ATG10: variants seen among roughly 807,000 people sequenced by gnomAD.
ATG10 encodes the protein ubiquitin-like-conjugating enzyme ATG10.
Under a neutral mutation model 32.1 loss-of-function variants are expected in ATG10, and 30 were observed. The ratio of observed to expected loss-of-function variants is 0.94; its 90% CI spans 0.70 to 1.27. The LOEUF is 1.27. Among genes scored for constraint, ATG10 ranks in the 50% most tolerant of loss-of-function variants. The pLI, the probability that ATG10 is intolerant of heterozygous loss-of-function variation, is 0.00. For synonymous variants in ATG10, 87 were observed against 91.5 expected, an observed-to-expected ratio of 0.95 and a Z score of 0.28; for missense variants, 233 against 262.3, an observed-to-expected ratio of 0.89 and a Z score of 0.77.
chr5:82,217,862 A>G lies in ATG10; in HGVS notation c.454-34700A>G, dbSNP rs549773838. 6.6e-5 allele frequency among the ~76,000 whole-genome samples: 10 copies of G among 151,710 alleles called. No individual in the cohort carries two copies. In the East Asian group the frequency reaches 1.7e-3, roughly 26 times the overall value. ...TGTGGTAGTGTGCACCTGTGGTTCT[A>G]GCTACTCGGGAGGCTGAGGTAGGAG... On this transcript the variant is annotated intron_variant, in intron 5 of 7. Coordinates refer to ENST00000282185, the MANE Select transcript of ATG10 (RefSeq NM_031482.5).
chr5:82,018,679 TC>T (rs1762354368), intron 2 of ATG10, among the ~76,000 whole-genome samples: 1 of 152,162 alleles, frequency 6.6e-6, no homozygotes, highest in African/African-American at 2.4e-5. Flanking sequence ...GACTGGCCCC[TC>T]TGTCTAGAAC....
chr5:82,000,914 C>A (rs917408512), intron 2 of ATG10, among the ~76,000 whole-genome samples: 3 of 152,124 alleles, frequency 2.0e-5, no homozygotes, highest in African/African-American at 7.2e-5. Flanking sequence ...GCCTTGGCCT[C>A]CCAAAATGCT....
At chr5:82,193,940 C>G (rs1744758593) in intron 5 of ATG10, among the ~76,000 whole-genome samples, 1 of 152,182 alleles carries the variant, frequency 6.6e-6, no homozygotes, top group South Asian at 2.1e-4. Context: ...CGTAACTTTA[C>G]ACAAGTTTGG....
chr5:82,044,742 A>G (rs1189864250), intron 2 of ATG10, among the ~76,000 whole-genome samples: 1 of 152,122 alleles, frequency 6.6e-6, no homozygotes, highest in African/African-American at 2.4e-5. Flanking sequence ...ATGGTTTTCT[A>G]TTCTCACTGG....
chr5:82,118,402 A>ATATATATG (rs1309574936), intron 3 of ATG10, among the ~76,000 whole-genome samples: 1 of 136,340 alleles, frequency 7.3e-6, no homozygotes, highest in African/African-American at 2.8e-5. Context: ...ATATATATAT[A>ATATATATG]TATGTATGTA....
chr5:82,167,808 A>G (rs1368430043), intron 4 of ATG10, among the ~76,000 whole-genome samples: 2 of 152,188 alleles, frequency 1.3e-5, no homozygotes, highest in African/African-American at 4.8e-5. Context: ...GGTGTACAGG[A>G]GCTCAGTTAC....
At chr5:82,062,330 T>C (rs1763811831) in intron 3 of ATG10, among the ~76,000 whole-genome samples, 2 of 152,138 alleles carry the variant, frequency 1.3e-5, no homozygotes, top group Non-Finnish European at 2.9e-5. Context: ...TTTTTAATAT[T>C]TGGCAACTCA....
chr5:82,079,227 G>A (rs945357509), intron 3 of ATG10, among the ~76,000 whole-genome samples: 1 of 152,128 alleles, frequency 6.6e-6, no homozygotes, highest in African/African-American at 2.4e-5. Context: ...CCGAGACTAG[G>A]AAGGAAAAGA....
intron 5 of ATG10, among the ~76,000 whole-genome samples, chr5:82,222,397 T>C (rs964700324): frequency 6.6e-5 from 10 of 152,194 alleles, no homozygotes; most frequent in African/African-American, 1.2e-4. Context: ...TCATGAAGTT[T>C]CCTGGATTAA....
At chr5:82,135,423 G>T (rs183974038) in intron 3 of ATG10, among the ~76,000 whole-genome samples, 1 of 152,154 alleles carries the variant, frequency 6.6e-6, no homozygotes, top group South Asian at 2.1e-4. Context: ...CTGGTACATT[G>T]TATCTTTGTT....
chr5:82,235,605 G>A lies in ATG10; in HGVS notation c.454-16957G>A, dbSNP rs375958355. Reference sequence around the variant, plus strand: ...ACACTGTCACCCTCAGGTGAGGGCCGAATAAACATTCTTCTTTCTGCCCTT... The same window carrying A: ...ACACTGTCACCCTCAGGTGAGGGCCAAATAAACATTCTTCTTTCTGCCCTT... On this transcript the variant is annotated intron_variant, in intron 5 of 7. Coordinates refer to ENST00000282185, the MANE Select transcript of ATG10 (RefSeq NM_031482.5). 1.1e-3 allele frequency among the ~76,000 whole-genome samples: 170 copies of A among 152,294 alleles called. 1 individual carries two copies. The South Asian group carries it at 0.024, about 21-fold the overall frequency.
At chr5:82,237,592 G>A (rs1474599197) in intron 5 of ATG10, among the ~76,000 whole-genome samples, 2 of 151,344 alleles carry the variant, frequency 1.3e-5, no homozygotes, top group Non-Finnish European at 2.9e-5. Context: ...GCAGTGAGCC[G>A]AGATCATGCC....
chr5:82,097,943 G>A (rs1386882638), intron 3 of ATG10, among the ~76,000 whole-genome samples: 1 of 152,110 alleles, frequency 6.6e-6, no homozygotes, highest in African/African-American at 2.4e-5. Context: ...CAATAAACAT[G>A]ACATTTTAAA....
At chr5:82,001,165 C>T (rs1761836412) in intron 2 of ATG10, among the ~76,000 whole-genome samples, 1 of 152,172 alleles carries the variant, frequency 6.6e-6, no homozygotes, top group Non-Finnish European at 1.5e-5. Context: ...ATTCCATGCT[C>T]ATGGATAGGA....
chr5:82,240,379 C>G (rs1746738098), intron 5 of ATG10, among the ~76,000 whole-genome samples: 1 of 152,178 alleles, frequency 6.6e-6, no homozygotes, highest in Non-Finnish European at 1.5e-5. Context: ...ATGGATGGAA[C>G]TGGAGGACAT....
At chr5:82,026,190 T>C (rs1343667163) in intron 2 of ATG10, among the ~76,000 whole-genome samples, 1 of 152,228 alleles carries the variant, frequency 6.6e-6, no homozygotes, top group Non-Finnish European at 1.5e-5. Flanking sequence ...TTTATGTCTC[T>C]GTGAATTTGA....
intron 5 of ATG10, among the ~76,000 whole-genome samples, chr5:82,222,787 G>A (rs1188738480): frequency 6.6e-6 from 1 of 152,240 alleles, no homozygotes; most frequent in African/African-American, 2.4e-5. Flanking sequence ...CACATCAGCT[G>A]TGCAGTTGCA....
chr5:82,226,384 CT>C (rs774215934), intron 5 of ATG10, among the ~76,000 whole-genome samples: 155 of 151,008 alleles, frequency 1.0e-3, no homozygotes, highest in Non-Finnish European at 1.9e-3. Context: ...TTTTTTCTTT[CT>C]AATTCTTGGT....
chr5:82,001,462 A>G (rs767544993), intron 2 of ATG10, among the ~76,000 whole-genome samples: 5 of 152,174 alleles, frequency 3.3e-5, no homozygotes, highest in Non-Finnish European at 5.9e-5. Flanking sequence ...ACAAAGACCA[A>G]TGAAACAGAA....
Sources: gnomAD v4.1 joint callset for allele counts (sites outside exome capture counted in the v4.1 genomes callset) on GRCh38, gnomAD v4.1.1 for gene constraint, MANE v1.5 for transcripts, NCBI Gene and HGNC (gene_info 2026-07-23, HGNC 2026-07-21) for gene names.